ARHGAP15: variants seen among roughly 807,000 people sequenced by gnomAD.
ARHGAP15 encodes the protein Rho GTPase activating protein 15, also known as rho GTPase-activating protein 15.
Under a neutral mutation model 63.7 loss-of-function variants are expected in ARHGAP15, and 51 were observed. That is an observed-to-expected ratio of 0.80 (90% confidence interval 0.64 to 1.01). ARHGAP15 has a LOEUF of 1.01. Among genes scored for constraint, ARHGAP15 ranks in the 50% least tolerant of loss-of-function variants. ARHGAP15 has a pLI of 0.00. For synonymous variants in ARHGAP15, 191 were observed against 193.8 expected (o/e 0.99, Z 0.12); for missense variants, 560 against 564.6 (o/e 0.99, Z 0.08).
At chr2:143,706,099 G>T (rs932017405) in intron 13 of ARHGAP15, among the ~76,000 whole-genome samples, 13 of 152,068 alleles carry the variant, frequency 8.5e-5, no homozygotes, top group African/African-American at 3.1e-4. Flanking sequence ...TTTCTTGGGT[G>T]GTATGACTAT....
In ARHGAP15 at chr2:143,144,384, C is replaced by A. The variant is rs761832522; in HGVS notation, c.-14-11093C>A. ...TGTACTCCCACCAACAGTGTACAAGCATTCCTTTTATGAACTATTTTTTAA... is the reference window on the plus strand; with the variant it reads ...TGTACTCCCACCAACAGTGTACAAGAATTCCTTTTATGAACTATTTTTTAA... On this transcript the variant is annotated intron_variant, in intron 1 of 13. Coordinates refer to ENST00000295095, the MANE Select transcript of ARHGAP15 (RefSeq NM_018460.4). Among the ~76,000 whole-genome samples, 98 of 151,988 alleles carry A rather than the reference C, an allele frequency of 6.4e-4. 3 individuals are homozygous for A. The highest frequency in any genetic ancestry group is 6.2e-4 in the South Asian group (3 of 4,832).
intron 12 of ARHGAP15, among the ~76,000 whole-genome samples, chr2:143,690,394 A>T (rs1036721350): frequency 6.6e-6 from 1 of 152,234 alleles, no homozygotes; most frequent in African/African-American, 2.4e-5. Flanking sequence ...TGCAGAGGGC[A>T]TCACACTGAA....
At chr2:143,595,367 T>C (rs1452167290) in intron 11 of ARHGAP15, among the ~76,000 whole-genome samples, 1 of 152,090 alleles carries the variant, frequency 6.6e-6, no homozygotes, top group African/African-American at 2.4e-5. Flanking sequence ...CAAAATGCAT[T>C]ATACTAAATA....
chr2:143,493,067 C>A (rs983055458), intron 9 of ARHGAP15, among the ~76,000 whole-genome samples: 6 of 128,802 alleles, frequency 4.7e-5, no homozygotes, highest in South Asian at 2.5e-4. Flanking sequence ...CAAAAAAAAA[C>A]AAAAAAAACC....
At chr2:143,516,368 A>ACT (rs933098723) in intron 9 of ARHGAP15, among the ~76,000 whole-genome samples, 1 of 151,466 alleles carries the variant, frequency 6.6e-6, no homozygotes, top group Non-Finnish European at 1.5e-5. Context: ...CCAAACACAA[A>ACT]CTCTCTCTCT....
chr2:143,283,994 C>A (rs915525010), intron 6 of ARHGAP15, among the ~76,000 whole-genome samples: 1 of 152,132 alleles, frequency 6.6e-6, no homozygotes, highest in Admixed American at 6.6e-5. Context: ...CAACTCTTCA[C>A]TGGACATTTC....
chr2:143,536,735 G>A (rs1228537561), intron 10 of ARHGAP15, among the ~76,000 whole-genome samples: 1 of 151,706 alleles, frequency 6.6e-6, no homozygotes, highest in African/African-American at 2.4e-5. Context: ...AGTATTCCAT[G>A]GTGTATATGT....
At chr2:143,489,983 C>CTTTTTGTTTTTG (rs1219574678) in intron 9 of ARHGAP15, among the ~76,000 whole-genome samples, 1 of 151,988 alleles carries the variant, frequency 6.6e-6, no homozygotes, top group Admixed American at 6.6e-5. Flanking sequence ...TGTCAGTTTT[C>CTTTTTGTTTTTG]TTTTTCTTTT....
At chr2:143,236,805 T>C (rs190136908) in intron 5 of ARHGAP15, 6 of 152,356 alleles carry the variant, frequency 3.9e-5, no homozygotes, top group Admixed American at 2.6e-4. Flanking sequence ...TGTATATTGA[T>C]CTCTTGCCTT....
chr2:143,612,829 CATCA>C (rs1424757479), intron 11 of ARHGAP15, among the ~76,000 whole-genome samples: 6 of 152,198 alleles, frequency 3.9e-5, no homozygotes, highest in African/African-American at 1.4e-4. Flanking sequence ...GCTGCTTTTC[CATCA>C]GTAAAGTTGA....
intron 12 of ARHGAP15, among the ~76,000 whole-genome samples, chr2:143,692,722 G>A (rs1021956848): frequency 2.0e-5 from 3 of 152,102 alleles, no homozygotes; most frequent in Admixed American, 6.6e-5. Flanking sequence ...TTTGAGCAAC[G>A]GAAGTACAGG....
chr2:143,377,249 G>C (rs1686855587), intron 6 of ARHGAP15, among the ~76,000 whole-genome samples: 1 of 151,864 alleles, frequency 6.6e-6, no homozygotes, highest in Admixed American at 6.6e-5. Context: ...TTTTTAAGTA[G>C]GAAGAAACTT....
intron 8 of ARHGAP15, among the ~76,000 whole-genome samples, chr2:143,462,556 A>G (rs1690996403): frequency 6.6e-6 from 1 of 152,206 alleles, no homozygotes; most frequent in South Asian, 2.1e-4. Context: ...TGGAGATACA[A>G]TAAACAAAAT....
intron 13 of ARHGAP15, among the ~76,000 whole-genome samples, chr2:143,720,876 T>G (rs1311295172): frequency 6.6e-6 from 1 of 152,016 alleles, no homozygotes; most frequent in Non-Finnish European, 1.5e-5. Flanking sequence ...AAGACCATCC[T>G]GGCTAACACG....
chr2:143,347,111 A>C (rs1223331518), intron 6 of ARHGAP15, among the ~76,000 whole-genome samples: 1 of 152,194 alleles, frequency 6.6e-6, no homozygotes, highest in Non-Finnish European at 1.5e-5. Flanking sequence ...GTGCTACAGA[A>C]GAGTTCAGTG....
intron 9 of ARHGAP15, among the ~76,000 whole-genome samples, chr2:143,503,532 A>G (rs1164238339): frequency 6.6e-6 from 1 of 152,262 alleles, no homozygotes; most frequent in Non-Finnish European, 1.5e-5. Context: ...AATGTTTTAT[A>G]AAAAGCAAGT....
chr2:143,544,402 T>A (rs1695235485), intron 10 of ARHGAP15, among the ~76,000 whole-genome samples: 1 of 152,192 alleles, frequency 6.6e-6, no homozygotes, highest in Non-Finnish European at 1.5e-5. Context: ...ATAATTTCAA[T>A]CTGTGTCATA....
At chr2:143,643,373 T>A (rs563328865) in intron 12 of ARHGAP15, among the ~76,000 whole-genome samples, 2 of 151,796 alleles carry the variant, frequency 1.3e-5, no homozygotes, top group Non-Finnish European at 2.9e-5. Context: ...TACATGTGAA[T>A]CTGTGTATTT....
intron 10 of ARHGAP15, among the ~76,000 whole-genome samples, chr2:143,532,694 A>G (rs1285091313): frequency 1.3e-5 from 2 of 152,206 alleles, no homozygotes; most frequent in Non-Finnish European, 2.9e-5. Flanking sequence ...ACTCCACAGC[A>G]AAATCACAGG....
Sources: gnomAD v4.1 joint callset for allele counts (sites outside exome capture counted in the v4.1 genomes callset) on GRCh38, gnomAD v4.1.1 for gene constraint, MANE v1.5 for transcripts, NCBI Gene and HGNC (gene_info 2026-07-23, HGNC 2026-07-21) for gene names.